LRMDA: variants seen among roughly 807,000 people sequenced by gnomAD.
LRMDA encodes leucine-rich melanocyte differentiation-associated protein.
In LRMDA, 18 loss-of-function variants were observed where a neutral mutation model predicts 29.8. The ratio of observed to expected loss-of-function variants is 0.60; its 90% CI spans 0.42 to 0.90. The LOEUF is 0.90. Ranked by LOEUF, LRMDA falls within the 40% of genes least tolerant of loss-of-function variation. LRMDA has a pLI of 0.00. For missense variants in LRMDA, 273 were observed against 273.9 expected, an observed-to-expected ratio of 1.00 and a Z score of 0.02; for synonymous variants, 125 against 109.4, an observed-to-expected ratio of 1.14 and a Z score of -0.89.
chr10:76,519,394 C>T (rs1001109801), intron 6 of LRMDA, among the ~76,000 whole-genome samples: 1 of 152,146 alleles, frequency 6.6e-6, no homozygotes, highest in Non-Finnish European at 1.5e-5. Flanking sequence ...AAACCTATAG[C>T]ATACTTTGTT....
At chr10:76,389,251 G>T (rs1158231627) in intron 6 of LRMDA, among the ~76,000 whole-genome samples, 1 of 152,144 alleles carries the variant, frequency 6.6e-6, no homozygotes, top group Non-Finnish European at 1.5e-5. Context: ...ATTGCAAGTT[G>T]CTCCTCAGTG....
chr10:76,224,747 A>G (rs1167865940), intron 5 of LRMDA, among the ~76,000 whole-genome samples: 4 of 148,972 alleles, frequency 2.7e-5, no homozygotes, highest in African/African-American at 9.9e-5. Context: ...GTTGTGATCA[A>G]GTAATGAGCA....
intron 2 of LRMDA, among the ~76,000 whole-genome samples, chr10:76,014,123 T>A (rs994900768): frequency 2.0e-4 from 17 of 85,944 alleles, no homozygotes; most frequent in South Asian, 1.0e-3. Flanking sequence ...TATATATATA[T>A]AATTATATAT....
At chr10:75,803,929 C>T (rs1169276546) in intron 2 of LRMDA, among the ~76,000 whole-genome samples, 2 of 152,226 alleles carry the variant, frequency 1.3e-5, no homozygotes, top group Admixed American at 1.3e-4. Context: ...CATCTGCTGA[C>T]CCATTCGCTG....
intron 5 of LRMDA, among the ~76,000 whole-genome samples, chr10:76,253,462 C>T (rs1852523016): frequency 6.7e-6 from 1 of 149,590 alleles, no homozygotes; most frequent in Non-Finnish European, 1.5e-5. Context: ...TTCTAAAAGA[C>T]AGAGCTAGAA....
intron 6 of LRMDA, among the ~76,000 whole-genome samples, chr10:76,425,182 A>G (rs796346516): frequency 7.2e-5 from 11 of 152,294 alleles, no homozygotes; most frequent in African/African-American, 2.4e-4. Flanking sequence ...CTTAATGTCA[A>G]TATCACATTA....
intron 6 of LRMDA, among the ~76,000 whole-genome samples, chr10:76,355,546 C>T (rs986758632): frequency 1.3e-5 from 2 of 152,292 alleles, no homozygotes; most frequent in Admixed American, 1.3e-4. Flanking sequence ...GTGTTATTCT[C>T]AGATGCTAAC....
At chr10:76,283,919 G>T (rs190201067) in intron 5 of LRMDA, among the ~76,000 whole-genome samples, 73 of 152,258 alleles carry the variant, frequency 4.8e-4, no homozygotes, top group African/African-American at 1.7e-3. Flanking sequence ...GCCAGCCTCA[G>T]CCTCCCAAAC....
Position 75,530,891 on chromosome 10 carries a change from G to A in LRMDA, c.131+92397G>A, listed in dbSNP as rs1483673882. ...CTCCTTGCCCCTTGTACTGAACTCT[G>A]TTGTCTATAGTTCCGGCACTATGGG... On this transcript the variant is annotated intron_variant, in intron 2 of 6. Transcript: ENST00000611255. Among the ~76,000 whole-genome samples the A allele has an allele frequency of 7.2e-5, 11 of 152,206 alleles. 1 individual carries two copies. Among genetic ancestry groups the A allele is most frequent in the Admixed American group, 7.2e-4 (11 of 15,278 alleles).
chr10:75,942,309 G>A (rs1467431107), intron 2 of LRMDA, among the ~76,000 whole-genome samples: 1 of 152,120 alleles, frequency 6.6e-6, no homozygotes, highest in African/African-American at 2.4e-5. Flanking sequence ...TGTTTATCAT[G>A]CTCATCTCTT....
At chr10:76,154,332 A>C (rs554379761) in intron 5 of LRMDA, among the ~76,000 whole-genome samples, 2 of 152,360 alleles carry the variant, frequency 1.3e-5, no homozygotes, top group South Asian at 4.1e-4. Context: ...TGTCAGAAGA[A>C]TATATCCCCA....
chr10:76,494,432 C>T (rs1003424622), intron 6 of LRMDA, among the ~76,000 whole-genome samples: 2 of 150,972 alleles, frequency 1.3e-5, no homozygotes, highest in African/African-American at 4.9e-5. Context: ...ACAATGTCCC[C>T]TTATTATCCC....
intron 6 of LRMDA, among the ~76,000 whole-genome samples, chr10:76,397,271 G>A (rs1366696398): frequency 1.3e-5 from 2 of 152,054 alleles, no homozygotes; most frequent in Admixed American, 6.6e-5. Flanking sequence ...GGTCCCAGGC[G>A]GCTCCCCAGG....
chr10:75,998,642 A>G (rs1355372117), intron 2 of LRMDA, among the ~76,000 whole-genome samples: 4 of 152,214 alleles, frequency 2.6e-5, no homozygotes, highest in African/African-American at 4.8e-5. Flanking sequence ...TTCTCAGGTG[A>G]CGATCCAGGG....
At chr10:76,311,733 A>G (rs1278492343) in intron 5 of LRMDA, among the ~76,000 whole-genome samples, 2 of 152,124 alleles carry the variant, frequency 1.3e-5, no homozygotes, top group Non-Finnish European at 2.9e-5. Context: ...GCCTCTTGTG[A>G]TCCCCACAAA....
chr10:75,812,700 C>A (rs1843986106), intron 2 of LRMDA, among the ~76,000 whole-genome samples: 1 of 152,302 alleles, frequency 6.6e-6, no homozygotes, highest in South Asian at 2.1e-4. Flanking sequence ...CCATTATTCA[C>A]ATACATTTTC....
intron 2 of LRMDA, among the ~76,000 whole-genome samples, chr10:75,702,047 C>G (rs989656605): frequency 2.6e-5 from 4 of 152,192 alleles, no homozygotes; most frequent in African/African-American, 9.7e-5. Flanking sequence ...GTTTGCACCT[C>G]CCACATCCTC....
At position 75,585,179 on chromosome 10, in the gene LRMDA, A is replaced by G. The variant is rs530773451; in HGVS notation, c.131+146685A>G. Among the ~76,000 whole-genome samples the G allele has an allele frequency of 7.9e-5, 12 of 152,320 alleles. No individual in the cohort carries two copies. In the South Asian group the frequency reaches 2.3e-3, roughly 29 times the overall value. On this transcript the variant is annotated intron_variant, in intron 2 of 6. Coordinates refer to ENST00000611255, the MANE Select transcript of LRMDA (RefSeq NM_001305581.2). ...CCTTTCTCTCACCAAGGGCAGCTGC[A>G]CACTGTCCTGTCCTCTAGCAGCAGA...
intron 2 of LRMDA, among the ~76,000 whole-genome samples, chr10:75,826,957 T>C (rs1844256314): frequency 6.6e-6 from 1 of 152,186 alleles, no homozygotes; most frequent in Non-Finnish European, 1.5e-5. Flanking sequence ...AGAAAATTAC[T>C]TTTTTTGTGT....
Sources: gnomAD v4.1 joint callset for allele counts (sites outside exome capture counted in the v4.1 genomes callset) on GRCh38, gnomAD v4.1.1 for gene constraint, MANE v1.5 for transcripts, NCBI Gene and HGNC (gene_info 2026-07-23, HGNC 2026-07-21) for gene names.